Variants in PREX2 observed in about 807,000 individuals in gnomAD.
PREX2 encodes the protein phosphatidylinositol 3,4,5-trisphosphate-dependent Rac exchanger 2 protein.
Under a neutral mutation model 203.2 loss-of-function variants are expected in PREX2, and 107 were observed. The observed-to-expected ratio is 0.53, with a 90% CI of 0.45 to 0.62. The LOEUF is 0.62. Among genes scored for constraint, PREX2 ranks in the 20% least tolerant of loss-of-function variants. The probability of loss-of-function intolerance (pLI) is 0.00; values close to 1 mark genes in which losing one functional copy is unlikely to be tolerated. For synonymous variants in PREX2, 672 were observed against 663.6 expected (o/e 1.01, Z -0.19); for missense variants, 1,777 against 1,955.9 (o/e 0.91, Z 1.72).
chr8:68,111,184 C>T (rs1416251861), intron 25 of PREX2: 1 of 195,712 alleles, frequency 5.1e-6, no homozygotes, highest in Non-Finnish European at 1.1e-5. Context: ...TGAATCATAG[C>T]TCCTAGGCTT....
chr8:67,999,001 A>G (rs1263994873), intron 1 of PREX2, among the ~76,000 whole-genome samples: 1 of 152,134 alleles, frequency 6.6e-6, no homozygotes, highest in African/African-American at 2.4e-5. Flanking sequence ...TAACTTATGT[A>G]GCTTGTTCTG....
rs528425425 is a variant in PREX2 at position 67,952,144 on chromosome 8, G to C, written c.-251G>C. 9.6e-4 allele frequency: 326 copies of C among 338,332 alleles called. 3 individuals are homozygous for C. The highest frequency in any genetic ancestry group is 4.8e-3 in the Middle Eastern group (6 of 1,262). The allele number at this position is 338,332 out of a possible 1,614,324, so 21.0% of individuals were successfully genotyped here. On this transcript the variant is annotated 5_prime_UTR_variant, in exon 1 of 40. Transcript: ENST00000288368. ...CCAGAGCAGCGGGGCCGGGCGCGCA[G>C]GGCCTGGCCGGAGCCCCCACTCCCA...
chr8:68,015,112 G>A (rs1021660280), intron 1 of PREX2, among the ~76,000 whole-genome samples: 2 of 152,132 alleles, frequency 1.3e-5, no homozygotes, highest in African/African-American at 4.8e-5. Flanking sequence ...TTGTGACTAG[G>A]CTACTAATGC....
At chr8:68,126,308 T>C (rs1810885104) in intron 30 of PREX2, among the ~76,000 whole-genome samples, 1 of 152,112 alleles carries the variant, frequency 6.6e-6, no homozygotes, top group South Asian at 2.1e-4. Context: ...GTATATAGGA[T>C]TTTAAACAAA....
rs145040986 is a variant in PREX2 at position 68,170,658 on chromosome 8, A to C, written c.4346+13222A>C. Among the ~76,000 whole-genome samples, 956 of 152,354 alleles carry C rather than the reference A, an allele frequency of 6.3e-3. 10 individuals carry two copies. Among genetic ancestry groups the C allele is most frequent in the African/African-American group, 0.022 (917 of 41,592 alleles). Reference sequence around the variant, plus strand: ...TATTTATTGAAGAGTAACAGCATGTAAAGTGTTTAACTCTGGAATTCTGAC... The same window carrying C: ...TATTTATTGAAGAGTAACAGCATGTCAAGTGTTTAACTCTGGAATTCTGAC... On this transcript the variant is annotated intron_variant, in intron 35 of 39. Transcript: ENST00000288368.
chr8:68,089,925 C>T (rs1340787246), intron 19 of PREX2, among the ~76,000 whole-genome samples: 1 of 152,148 alleles, frequency 6.6e-6, no homozygotes, highest in African/African-American at 2.4e-5. Flanking sequence ...GAAATCTTAG[C>T]TCACTGGTTA....
intron 13 of PREX2, among the ~76,000 whole-genome samples, chr8:68,071,139 A>G (rs1233722678): frequency 6.6e-6 from 1 of 152,180 alleles, no homozygotes; most frequent in Non-Finnish European, 1.5e-5. Flanking sequence ...CTGAAAATAT[A>G]TTTTAGTCAT....
Position 68,191,723 on chromosome 8 carries a change from G to A in PREX2, c.4348G>A (p.Ala1450Thr), listed in dbSNP as rs1563581001. The A allele has an allele frequency of 2.5e-6, 4 of 1,603,330 alleles. No homozygotes were observed. The highest frequency in any genetic ancestry group is 4.5e-5 in the East Asian group (2 of 44,736). Reference sequence around the variant, plus strand: ...AATTTATTTCTTGGATTCTTACAGGGCATTCTACTTGGACAAGTCAAATTC... The same window carrying A: ...AATTTATTTCTTGGATTCTTACAGGACATTCTACTTGGACAAGTCAAATTC... ...KVKQYNQKLRAFYLDKSNSPP... is the reference protein window; with the variant it reads ...KVKQYNQKLRTFYLDKSNSPP... The change falls in exon 36 of 40, where the codon GCA becomes ACA. Residue 1450 changes from alanine (A) to threonine (T), a missense_variant and splice_region_variant. Ala to Thr is a moderately conservative substitution (Grantham distance 58, BLOSUM62 0). Coordinates refer to ENST00000288368, the MANE Select transcript of PREX2 (RefSeq NM_024870.4).
At chr8:67,957,525 G>A (rs994169212) in intron 1 of PREX2, among the ~76,000 whole-genome samples, 2 of 152,148 alleles carry the variant, frequency 1.3e-5, no homozygotes, top group African/African-American at 4.8e-5. Context: ...TTTCGTAAAA[G>A]CAGTTAGAAA....
chr8:68,159,106 T>C (rs1811604148), intron 35 of PREX2, among the ~76,000 whole-genome samples: 1 of 152,138 alleles, frequency 6.6e-6, no homozygotes, highest in Admixed American at 6.5e-5. Flanking sequence ...AAAAATATCA[T>C]GAAGAAAATT....
chr8:68,008,316 T>G (rs992029552), intron 1 of PREX2, among the ~76,000 whole-genome samples: 1 of 152,224 alleles, frequency 6.6e-6, no homozygotes, highest in Non-Finnish European at 1.5e-5. Context: ...TTTTAGTTAC[T>G]TTATACGAAT....
intron 1 of PREX2, among the ~76,000 whole-genome samples, chr8:68,006,605 T>A (rs1395868359): frequency 6.6e-6 from 1 of 151,946 alleles, no homozygotes. Flanking sequence ...ACTTGGGGCC[T>A]CCAGACTACA....
intron 11 of PREX2, among the ~76,000 whole-genome samples, chr8:68,066,366 C>T (rs1000223871): frequency 2.6e-5 from 4 of 152,074 alleles, no homozygotes; most frequent in African/African-American, 9.7e-5. Context: ...TTCCTTTTCT[C>T]CACATCCTCA....
At chr8:67,961,365 A>C (rs1326218598) in intron 1 of PREX2, among the ~76,000 whole-genome samples, 1 of 152,008 alleles carries the variant, frequency 6.6e-6, no homozygotes, top group Non-Finnish European at 1.5e-5. Context: ...TTCAAATGTG[A>C]ATTTATTAGA....
chr8:68,163,238 A>T (rs1421104652), intron 35 of PREX2, among the ~76,000 whole-genome samples: 1 of 152,208 alleles, frequency 6.6e-6, no homozygotes, highest in Non-Finnish European at 1.5e-5. Context: ...GAGTCAGATA[A>T]AACTCTCTAG....
chr8:68,118,086 T>A (rs568197532), intron 26 of PREX2, among the ~76,000 whole-genome samples: 3 of 152,202 alleles, frequency 2.0e-5, no homozygotes, highest in Non-Finnish European at 4.4e-5. Context: ...CCGGGCGTGG[T>A]GGCTCACGCC....
At chr8:68,039,820 C>A (rs1808141064) in intron 7 of PREX2, among the ~76,000 whole-genome samples, 1 of 152,156 alleles carries the variant, frequency 6.6e-6, no homozygotes, top group Non-Finnish European at 1.5e-5. Flanking sequence ...CCACATCTCT[C>A]CATCATCATT....
chr8:68,227,754 C>T (rs1469183184), intron 39 of PREX2, among the ~76,000 whole-genome samples: 1 of 152,108 alleles, frequency 6.6e-6, no homozygotes, highest in Non-Finnish European at 1.5e-5. Flanking sequence ...AGCAATCAGC[C>T]ATAGTCACAC....
At chr8:68,215,959 A>G (rs1490598370) in intron 37 of PREX2, among the ~76,000 whole-genome samples, 1 of 152,210 alleles carries the variant, frequency 6.6e-6, no homozygotes, top group African/African-American at 2.4e-5. Flanking sequence ...TCACACACTA[A>G]AAGTTTGTGA....
Sources: gnomAD v4.1 joint callset for allele counts (sites outside exome capture counted in the v4.1 genomes callset) on GRCh38, gnomAD v4.1.1 for gene constraint, MANE v1.5 for transcripts, NCBI Gene and HGNC (gene_info 2026-07-23, HGNC 2026-07-21) for gene names.